Variants in SAE1 observed in about 807,000 individuals in gnomAD.
SAE1 encodes SUMO-activating enzyme subunit 1.
A neutral mutation model predicts 40.6 loss-of-function variants in SAE1; 11 were observed. That is an observed-to-expected ratio of 0.27 (90% CI 0.17 to 0.45). The LOEUF is 0.45. Ranked by LOEUF, SAE1 falls within the 20% of genes least tolerant of loss-of-function variation. The probability of loss-of-function intolerance (pLI) is 1.00; values close to 1 mark genes in which losing one functional copy is unlikely to be tolerated. For synonymous variants in SAE1, 155 were observed against 154.3 expected, an observed-to-expected ratio of 1.00 and a Z score of -0.03; for missense variants, 373 against 427.3, an observed-to-expected ratio of 0.87 and a Z score of 1.12.
chr19:47,158,938 T>A (rs1032369701), intron 5 of SAE1, among the ~76,000 whole-genome samples: 1 of 152,224 alleles, frequency 6.6e-6, no homozygotes, highest in Non-Finnish European at 1.5e-5. Context: ...GGATAAAATA[T>A]GTGAACATCG....
intron 2 of SAE1, among the ~76,000 whole-genome samples, chr19:47,149,586 C>T (rs994684609): frequency 1.3e-5 from 2 of 152,116 alleles, no homozygotes; most frequent in Non-Finnish European, 1.5e-5. Context: ...CAATTCTTGC[C>T]ACTGTTAATC....
intron 5 of SAE1, among the ~76,000 whole-genome samples, chr19:47,158,462 T>G (rs1262436774): frequency 1.3e-5 from 2 of 152,136 alleles, no homozygotes; most frequent in East Asian, 3.9e-4. Context: ...GACACTGACA[T>G]GCAGGAGCCA....
chr19:47,153,768 A>G (rs1258535496), intron 4 of SAE1, among the ~76,000 whole-genome samples: 1 of 152,090 alleles, frequency 6.6e-6, no homozygotes, highest in African/African-American at 2.4e-5. Context: ...AGGATAATCT[A>G]GTTCTTTGGG....
At position 47,202,778 on chromosome 19, in the gene SAE1, C is replaced by T. The variant is rs184001281; in HGVS notation, c.879-893C>T. On this transcript the variant is annotated intron_variant, in intron 7 of 8. Coordinates refer to ENST00000270225, the MANE Select transcript of SAE1 (RefSeq NM_005500.3). ...AATTCAGAGTAGCCGGGCGTGGTGG[C>T]GGGTGCCTGTAGTCTCAGCTACTCA... 3.2e-4 allele frequency among the ~76,000 whole-genome samples: 48 copies of T among 151,928 alleles called. No homozygotes were observed. The East Asian group carries it at 4.5e-3, about 14-fold the overall frequency.
At chr19:47,206,175 G>GT (rs1047577620) in intron 8 of SAE1, among the ~76,000 whole-genome samples, 1 of 152,188 alleles carries the variant, frequency 6.6e-6, no homozygotes, top group Admixed American at 6.6e-5. Flanking sequence ...CCAGCATCTT[G>GT]TTTCTGTTTA....
intron 6 of SAE1, among the ~76,000 whole-genome samples, chr19:47,181,249 G>A (rs1011086731): frequency 6.6e-6 from 1 of 152,036 alleles, no homozygotes; most frequent in Non-Finnish European, 1.5e-5. Flanking sequence ...CCAGGAGGCG[G>A]AGGTTGTGGT....
intron 6 of SAE1, among the ~76,000 whole-genome samples, chr19:47,180,857 G>C (rs1420703861): frequency 6.6e-6 from 1 of 152,122 alleles, no homozygotes. Context: ...TACATAGAGA[G>C]ACATTGGAGA....
intron 6 of SAE1, among the ~76,000 whole-genome samples, chr19:47,174,299 CTT>C (rs766044817): frequency 5.2e-4 from 68 of 130,110 alleles, no homozygotes; most frequent in Non-Finnish European, 5.7e-4. Context: ...TTTTCTTTTT[CTT>C]TTTTTTTTTT....
At chr19:47,149,560 A>G (rs1257988622) in intron 2 of SAE1, among the ~76,000 whole-genome samples, 1 of 152,192 alleles carries the variant, frequency 6.6e-6, no homozygotes, top group East Asian at 1.9e-4. Flanking sequence ...AGTTGGGCAC[A>G]TGCTAAGTAT....
intron 7 of SAE1, among the ~76,000 whole-genome samples, chr19:47,200,399 A>ATTTTTTTTTTTTTTTTTTT (rs35657499): frequency 9.8e-6 from 1 of 102,560 alleles, no homozygotes; most frequent in Non-Finnish European, 1.9e-5. Flanking sequence ...AGCCTGCCTA[A>ATTTTTTTTTTTTTTTTTTT]TTTTTTTTTT....
At chr19:47,157,162 T>C (rs2058329418) in intron 5 of SAE1, among the ~76,000 whole-genome samples, 1 of 152,280 alleles carries the variant, frequency 6.6e-6, no homozygotes, top group African/African-American at 2.4e-5. Context: ...TTTGTGTTTG[T>C]GTTGGAGTAG....
chr19:47,156,780 G>A (rs922898377), intron 5 of SAE1, among the ~76,000 whole-genome samples: 4 of 152,132 alleles, frequency 2.6e-5, no homozygotes, highest in Admixed American at 1.3e-4. Flanking sequence ...TATATTAGGG[G>A]CTCAGCCTCT....
At chr19:47,142,226 A>G (rs1008125935) in intron 1 of SAE1, among the ~76,000 whole-genome samples, 1 of 151,910 alleles carries the variant, frequency 6.6e-6, no homozygotes, top group African/African-American at 2.4e-5. Context: ...TGTACCAAAA[A>G]TACAAAAACT....
chr19:47,131,096 CCG>C, intron 1 of SAE1, 68 bp downstream of exon 1: 1 of 1,454,408 alleles, frequency 6.9e-7, no homozygotes, highest in Non-Finnish European at 9.1e-7. Context: ...CGTTTGCGGC[CCG>C]GAAGGAGCGG....
At chr19:47,167,745 TC>T (rs778118040) in intron 5 of SAE1, among the ~76,000 whole-genome samples, 2 of 151,078 alleles carry the variant, frequency 1.3e-5, no homozygotes, top group Non-Finnish European at 1.5e-5. Flanking sequence ...ATTATTTGCA[TC>T]CCCCCCACCG....
At chr19:47,175,797 T>C (rs906940185) in intron 6 of SAE1, among the ~76,000 whole-genome samples, 1 of 152,056 alleles carries the variant, frequency 6.6e-6, no homozygotes, top group Admixed American at 6.6e-5. Flanking sequence ...AGATCTGGAG[T>C]TCTGTGAGTT....
chr19:47,201,649 A>C (rs925819457), intron 7 of SAE1, among the ~76,000 whole-genome samples: 3 of 138,168 alleles, frequency 2.2e-5, no homozygotes, highest in African/African-American at 8.2e-5. Flanking sequence ...TTTTTTAATT[A>C]TTATTATTGG....
At chr19:47,173,712 A>G (rs1298856700) in intron 6 of SAE1, among the ~76,000 whole-genome samples, 2 of 152,078 alleles carry the variant, frequency 1.3e-5, no homozygotes, top group South Asian at 2.1e-4. Flanking sequence ...CACCACTGCC[A>G]CATGTCCCCA....
intron 6 of SAE1, 34 bp from the exon 7 acceptor site, chr19:47,197,199 G>T (rs778293338): frequency 1.3e-6 from 2 of 1,563,440 alleles, no homozygotes. Context: ...AAAAAAAGTG[G>T]CTTTATAACC....
Sources: allele counts gnomAD v4.1 joint callset (sites outside exome capture counted in the v4.1 genomes callset), GRCh38; gene constraint gnomAD v4.1.1; transcripts MANE v1.5; gene names NCBI Gene and HGNC (gene_info 2026-07-23, HGNC 2026-07-21).